Variants in MDGA1 observed in about 807,000 individuals in gnomAD.
MDGA1 encodes MAM domain containing glycosylphosphatidylinositol anchor 1, also known as MAM domain-containing glycosylphosphatidylinositol anchor protein 1.
In MDGA1, 54 loss-of-function variants were observed where a neutral mutation model predicts 101.5. That is an observed-to-expected ratio of 0.53 (90% CI 0.43 to 0.67). The LOEUF is 0.67. MDGA1 is among the 30% of genes least tolerant of loss of function. The pLI is 0.00. For synonymous variants in MDGA1, 533 were observed against 558.3 expected, an observed-to-expected ratio of 0.95 and a Z score of 0.64; for missense variants, 1,083 against 1,323.8, an observed-to-expected ratio of 0.82 and a Z score of 2.82.
chr6:37,649,980 T>C (rs1360995094), intron 8 of MDGA1, 129 bp downstream of exon 8: 1 of 1,037,272 alleles, frequency 9.6e-7, no homozygotes, highest in African/African-American at 1.6e-5. Flanking sequence ...TCAAGGAGCA[T>C]TAGGGGTATC....
chr6:37,659,559 G>A (rs1761574041), intron 2 of MDGA1, among the ~76,000 whole-genome samples: 1 of 152,210 alleles, frequency 6.6e-6, no homozygotes, highest in Non-Finnish European at 1.5e-5. Flanking sequence ...GTGGGGTAGA[G>A]ATAGGGGCAG....
chr6:37,690,933 C>CT (rs779389695), intron 1 of MDGA1, among the ~76,000 whole-genome samples: 118 of 152,214 alleles, frequency 7.8e-4, no homozygotes, highest in Middle Eastern at 3.4e-3. Context: ...TGGAATGCCC[C>CT]TCTCAATCCT....
At chr6:37,646,012 G>T (rs932488515) in intron 11 of MDGA1, 56 bp from the exon 12 acceptor site, 8 of 1,612,000 alleles carry the variant, frequency 5.0e-6, no homozygotes, top group Non-Finnish European at 6.8e-6. Context: ...CTCTGCAGAG[G>T]ATACCCTGCT....
At chr6:37,689,922 G>A (rs1323014008) in intron 1 of MDGA1, among the ~76,000 whole-genome samples, 1 of 152,150 alleles carries the variant, frequency 6.6e-6, no homozygotes, top group African/African-American at 2.4e-5. Flanking sequence ...CAGCCAGAGA[G>A]GTTCTATTAA....
chr6:37,682,493 G>GCAAA lies in MDGA1; in HGVS notation c.67+14248_67+14251dup, dbSNP rs1010443740. On this transcript the variant is annotated intron_variant, in intron 1 of 16. Coordinates refer to ENST00000434837, the MANE Select transcript of MDGA1 (RefSeq NM_153487.4). ...AGAGAGACTCTGCCTCAAAAAACAAGCAAACAAACAAACAAAAAACTGAAC... is the reference window on the plus strand; with the variant it reads ...AGAGAGACTCTGCCTCAAAAAACAAGCAAACAAACAAACAAACAAAAAACTGAAC... 2.6e-5 allele frequency among the ~76,000 whole-genome samples: 4 copies of GCAAA among 152,086 alleles called. No individual in the cohort carries two copies. The South Asian group carries it at 8.3e-4, about 32-fold the overall frequency.
Position 37,637,050 on chromosome 6 carries a change from G to A in MDGA1, c.*318C>T, listed in dbSNP as rs143088704. 15 of 247,964 alleles carry A rather than the reference G, an allele frequency of 6.0e-5. No homozygotes were observed. The highest frequency in any genetic ancestry group is 4.2e-4 in the South Asian group (4 of 9,436). The allele number at this position is 247,964 out of a possible 1,614,324, so 15.4% of individuals were successfully genotyped here. ...GTTGCGCCGAGGTCCCTGGGTTGGC[G>A]GATGCCATTCAGGCAAGTCCCCTGT... is the stretch of plus-strand genomic sequence containing the variant. On this transcript the variant is annotated 3_prime_UTR_variant, in exon 17 of 17. Coordinates refer to ENST00000434837, the MANE Select transcript of MDGA1 (RefSeq NM_153487.4).
chr6:37,695,751 C>T (rs1021250782), intron 1 of MDGA1, among the ~76,000 whole-genome samples: 13 of 152,214 alleles, frequency 8.5e-5, no homozygotes. Flanking sequence ...GAATCCTGCC[C>T]GCCCCAGCCA....
intron 16 of MDGA1, among the ~76,000 whole-genome samples, 171 bp from the exon 17 acceptor site, chr6:37,637,630 G>A (rs144736214): frequency 3.3e-5 from 5 of 152,292 alleles, no homozygotes; most frequent in South Asian, 2.1e-4. Context: ...ATGAGGTGGC[G>A]TGGGGTGGGG....
At chr6:37,648,069 T>C (rs748257462) in intron 9 of MDGA1, 1 of 152,384 alleles carries the variant, frequency 6.6e-6, no homozygotes, top group African/African-American at 2.4e-5. Context: ...CAGCCCCTCT[T>C]GTTCCCCTAG....
chr6:37,644,004 A>T, intron 13 of MDGA1, 61 bp from the exon 14 acceptor site: 2 of 1,594,284 alleles, frequency 1.3e-6, no homozygotes, highest in Non-Finnish European at 1.7e-6. Flanking sequence ...TTCCTACCTG[A>T]TTCCCTCTCT....
rs138116781 is a variant in MDGA1, at chr6:37,652,500, G to A, written c.983-160C>T. On this transcript the variant is annotated intron_variant, in intron 6 of 16. Coordinates refer to ENST00000434837, the MANE Select transcript of MDGA1 (RefSeq NM_153487.4). The surrounding 1 kb of genome is among the most constrained non-coding windows in gnomAD (Gnocchi z 4.3). ...GAAACTATCACTTTTCTCTGCCTGG[G>A]AATTGTTTCATTTGTTCAGATGTGC... Among the ~76,000 whole-genome samples, 2 of 152,290 alleles carry A rather than the reference G, an allele frequency of 1.3e-5. No individual in the cohort carries two copies. The highest frequency in any genetic ancestry group is 2.1e-4 in the South Asian group (1 of 4,820).
In MDGA1 at chr6:37,670,403, C is replaced by T. The variant is rs760746618; in HGVS notation, c.68-6297G>A. Among the ~76,000 whole-genome samples the T allele has an allele frequency of 8.5e-5, 13 of 152,126 alleles. 1 individual carries two copies. In the South Asian group the frequency reaches 1.4e-3, roughly 17 times the overall value. ...TCATGCTGAGGGCTGTGCAGGGCTT[C>T]AGAGGGGATGGAAAGTGGGAAGGGC... On this transcript the variant is annotated intron_variant, in intron 1 of 16. Transcript: ENST00000434837.
rs573412971 is a variant in MDGA1, at chr6:37,697,094, C to T, written c.-283G>A. 805 of 313,188 alleles carry T rather than the reference C, an allele frequency of 2.6e-3. 3 individuals are homozygous for T. The highest frequency in any genetic ancestry group is 0.016 in the African/African-American group (724 of 45,848). 19.4% of individuals were successfully genotyped at this position (313,188 alleles called of 1,614,324 possible). Reference sequence around the variant, plus strand: ...AGCCAGCGCCCCGACCCGAGGAGCCCGGCCGCCGAGCCGCCCCGGGTACCC... The same window carrying T: ...AGCCAGCGCCCCGACCCGAGGAGCCTGGCCGCCGAGCCGCCCCGGGTACCC... On this transcript the variant is annotated 5_prime_UTR_variant, in exon 1 of 17. Transcript: ENST00000434837.
chr6:37,695,089 G>A (rs568937102), intron 1 of MDGA1, among the ~76,000 whole-genome samples: 67 of 152,190 alleles, frequency 4.4e-4, no homozygotes, highest in African/African-American at 1.6e-3. Context: ...GGGGATGGAG[G>A]ACAGGGATGA....
chr6:37,677,597 C>T (rs889902628), intron 1 of MDGA1, among the ~76,000 whole-genome samples: 3 of 152,144 alleles, frequency 2.0e-5, no homozygotes, highest in Non-Finnish European at 4.4e-5. Flanking sequence ...CCACTGTTTA[C>T]TGCTATGTAA....
Position 37,631,238 on chromosome 6 carries a change from TTC to T in MDGA1, c.*6128_*6129del, listed in dbSNP as rs1318332485. 6.6e-6 allele frequency: 1 copy of T among 152,190 alleles called. No homozygotes were observed. The highest frequency in any genetic ancestry group is 2.4e-5 in the African/African-American group (1 of 41,432). 9.4% of individuals were successfully genotyped at this position (152,190 alleles called of 1,614,324 possible). ...TCCCTGTTGCAACTCCTGTTTGGAT[TTC>T]TGAGTGCCCATCCCCCTCACTGTGT... On this transcript the variant is annotated 3_prime_UTR_variant, in exon 17 of 17. Coordinates refer to ENST00000434837, the MANE Select transcript of MDGA1 (RefSeq NM_153487.4).
At chr6:37,691,625 T>C (rs555750110) in intron 1 of MDGA1, among the ~76,000 whole-genome samples, 10 of 152,380 alleles carry the variant, frequency 6.6e-5, no homozygotes, top group South Asian at 2.1e-4. Context: ...TAGTTACTCA[T>C]AGTGTTATTC....
chr6:37,637,348 G>T lies in MDGA1; in HGVS notation c.*20C>A, dbSNP rs1198266901. 9 of 1,593,674 alleles carry T rather than the reference G, an allele frequency of 5.6e-6. No individual in the cohort carries two copies. The African/African-American group carries it at 1.1e-4, about 19-fold the overall frequency. On this transcript the variant is annotated 3_prime_UTR_variant, in exon 17 of 17. Transcript: ENST00000434837. ...TGGTGTGCCGGGGGCAAGGTTGGGG[G>T]GGTGGCCACACAGCTCTCATCATCT... is the stretch of plus-strand genomic sequence containing the variant.
In MDGA1 at chr6:37,638,475, G is replaced by T. The variant is rs1056806254; in HGVS notation, c.2667+62C>A. Reference sequence around the variant, plus strand: ...AGGAAGAAGGACAAGGTTTTCCTAAGTGTTTCCTGGCCACAGCAACCACCG... The same window carrying T: ...AGGAAGAAGGACAAGGTTTTCCTAATTGTTTCCTGGCCACAGCAACCACCG... On this transcript the variant is annotated intron_variant, in intron 15 of 16. Transcript: ENST00000434837. The surrounding 1 kb of genome is among the most constrained non-coding windows in gnomAD (Gnocchi z 4.8). The T allele has an allele frequency of 2.5e-5, 40 of 1,605,632 alleles. No homozygotes were observed. The highest frequency in any genetic ancestry group is 3.2e-5 in the Non-Finnish European group (37 of 1,174,548).
Sources: allele counts gnomAD v4.1 joint callset (sites outside exome capture counted in the v4.1 genomes callset), GRCh38; gene constraint gnomAD v4.1.1; non-coding constraint Gnocchi (gnomAD v3.1); transcripts MANE v1.5; gene names NCBI Gene and HGNC (gene_info 2026-07-23, HGNC 2026-07-21).